The following PLCB4 variants were observed in gnomAD, a reference collection of about 807,000 sequenced individuals.
The protein encoded by PLCB4 is phospholipase C beta 4.
PLCB4 carries 77 observed loss-of-function variants against 178.8 expected under a neutral mutation model. The ratio of observed to expected loss-of-function variants is 0.43; its 90% CI spans 0.36 to 0.52. The LOEUF is 0.52. PLCB4 is among the 20% of genes least tolerant of loss of function. The probability of loss-of-function intolerance (pLI) is 0.00; values close to 1 mark genes in which losing one functional copy is unlikely to be tolerated. For synonymous variants in PLCB4, 496 were observed against 490.8 expected, an observed-to-expected ratio of 1.01 and a Z score of -0.14; for missense variants, 1,024 against 1,453.4, an observed-to-expected ratio of 0.70 and a Z score of 4.80.
chr20:9,268,177 A>T (rs188623711), intron 3 of PLCB4, among the ~76,000 whole-genome samples: 1 of 152,338 alleles, frequency 6.6e-6, no homozygotes, highest in African/African-American at 2.4e-5. Flanking sequence ...TTTTGATGAC[A>T]AAAACAAACT....
At chr20:9,186,128 G>A (rs1480112147) in intron 2 of PLCB4, among the ~76,000 whole-genome samples, 1 of 152,068 alleles carries the variant, frequency 6.6e-6, no homozygotes, top group Non-Finnish European at 1.5e-5. Flanking sequence ...ATAAATGAAC[G>A]CCCATTCAAG....
intron 1 of PLCB4, among the ~76,000 whole-genome samples, chr20:9,087,412 C>T (rs73895521): frequency 0.012 from 1,647 of 137,838 alleles, 27 homozygotes; most frequent in African/African-American, 0.04. Flanking sequence ...ATTCTCTCCT[C>T]TCCTGTACTT....
chr20:9,352,905 C>T (rs1448900974), intron 7 of PLCB4, among the ~76,000 whole-genome samples: 1 of 152,178 alleles, frequency 6.6e-6, no homozygotes, highest in Non-Finnish European at 1.5e-5. Context: ...ACTCATTCAG[C>T]ATGCTCTGAG....
chr20:9,433,711 T>C (rs879423943), intron 28 of PLCB4, among the ~76,000 whole-genome samples: 1 of 152,172 alleles, frequency 6.6e-6, no homozygotes, highest in Non-Finnish European at 1.5e-5. Flanking sequence ...TAACAAAGAG[T>C]TTAAAATATA....
intron 16 of PLCB4, among the ~76,000 whole-genome samples, 156 bp downstream of exon 16, chr20:9,390,114 A>AAAGC (rs2038018523): frequency 6.6e-6 from 1 of 152,186 alleles, no homozygotes; most frequent in South Asian, 2.1e-4. Context: ...ACTCTTATGC[A>AAAGC]AAGCAAAAAA....
chr20:9,478,467 C>A (rs529310877), intron 39 of PLCB4, among the ~76,000 whole-genome samples: 1 of 152,260 alleles, frequency 6.6e-6, no homozygotes, highest in South Asian at 2.1e-4. Context: ...AACTAAATTT[C>A]AGGCTATTTA....
intron 2 of PLCB4, among the ~76,000 whole-genome samples, chr20:9,118,598 C>T (rs2091860946): frequency 6.6e-6 from 1 of 152,004 alleles, no homozygotes; most frequent in African/African-American, 2.4e-5. Context: ...GAATGAGCCA[C>T]ATTTCAAGTG....
rs546801014 is a variant in PLCB4 at position 9,076,767 on chromosome 20, C to G, written c.-135+7561C>G. On this transcript the variant is annotated intron_variant, in intron 1 of 39. Coordinates refer to ENST00000378473, the MANE Select transcript of PLCB4 (RefSeq NM_001377142.1). The stretch of plus-strand genomic sequence containing the variant: ...TGCAGTTCCTTCGGGATGTGTTTCT[C>G]TCATATCTGCCAAGATGCTATTATT... Among the ~76,000 whole-genome samples the G allele has an allele frequency of 3.3e-5, 5 of 152,320 alleles. No homozygotes were observed. The East Asian group carries it at 9.6e-4, about 29-fold the overall frequency.
rs1321946789 is a variant in PLCB4 at position 9,389,957 on chromosome 20, A to G, written c.1237A>G (p.Ser413Gly). The stretch of plus-strand genomic sequence containing the variant: ...AATTCTCTCCTTTGAAAATCACTGC[A>G]GGTATAATGATCCATTCTGCCACAA... Reference protein sequence around the residue: ...PVILSFENHCSKYQQYKMSKY... With the variant: ...PVILSFENHCGKYQQYKMSKY... The change falls in exon 16 of 40, where the codon AGC becomes GGC. Residue 413 changes from serine to glycine, a missense_variant and splice_region_variant. By Grantham distance (56) the Ser-to-Gly change is moderately conservative (BLOSUM62 0). Around this residue, in one of 7 missense-constraint regions of PLCB4, gnomAD observed 263 missense variants for 417.4 expected, o/e 0.63. Coordinates refer to ENST00000378473, the MANE Select transcript of PLCB4 (RefSeq NM_001377142.1). 1.1e-5 allele frequency: 17 copies of G among 1,507,352 alleles called. No individual in the cohort carries two copies. The highest frequency in any genetic ancestry group is 1.5e-5 in the Non-Finnish European group (16 of 1,085,400). The allele number at this position is 1,507,352 out of a possible 1,614,324, so 93.4% of individuals were successfully genotyped here.
intron 12 of PLCB4, among the ~76,000 whole-genome samples, chr20:9,377,506 T>A (rs2036774903): frequency 6.6e-6 from 1 of 152,210 alleles, no homozygotes; most frequent in Non-Finnish European, 1.5e-5. Flanking sequence ...GCCTTTGGAT[T>A]ACCCAGATTG....
At chr20:9,117,142 G>A (rs946214993) in intron 2 of PLCB4, among the ~76,000 whole-genome samples, 1 of 152,120 alleles carries the variant, frequency 6.6e-6, no homozygotes, top group Admixed American at 6.6e-5. Flanking sequence ...TTTCATACTT[G>A]TAACTTAATG....
chr20:9,206,305 T>C (rs1010287571), intron 2 of PLCB4, among the ~76,000 whole-genome samples: 19 of 56,340 alleles, frequency 3.4e-4, no homozygotes, highest in South Asian at 6.9e-4. Context: ...TTTTCTTTTT[T>C]TTTTTTTTTT....
chr20:9,379,053 G>A (rs1462478865), intron 12 of PLCB4, among the ~76,000 whole-genome samples: 1 of 152,104 alleles, frequency 6.6e-6, no homozygotes, highest in Non-Finnish European at 1.5e-5. Context: ...GCTCACACCT[G>A]CTTATCTGTC....
intron 35 of PLCB4, among the ~76,000 whole-genome samples, chr20:9,461,452 G>A (rs1272410687): frequency 6.6e-6 from 1 of 152,206 alleles, no homozygotes; most frequent in Non-Finnish European, 1.5e-5. Context: ...GCAGGGTGGG[G>A]TGTCACCTCA....
chr20:9,198,451 A>G (rs2093500678), intron 2 of PLCB4, among the ~76,000 whole-genome samples: 1 of 152,222 alleles, frequency 6.6e-6, no homozygotes, highest in African/African-American at 2.4e-5. Flanking sequence ...GGGAATCAAC[A>G]AAGTAAATTT....
At chr20:9,168,189 T>C (rs766709457) in intron 2 of PLCB4, among the ~76,000 whole-genome samples, 1 of 152,212 alleles carries the variant, frequency 6.6e-6, no homozygotes, top group Non-Finnish European at 1.5e-5. Context: ...TATGAAACTT[T>C]CCAAATTTTC....
intron 28 of PLCB4, among the ~76,000 whole-genome samples, chr20:9,425,487 A>G (rs934633555): frequency 6.6e-6 from 1 of 152,242 alleles, no homozygotes; most frequent in Non-Finnish European, 1.5e-5. Flanking sequence ...TTATGCCAAG[A>G]GCTTTATGTA....
intron 17 of PLCB4, among the ~76,000 whole-genome samples, chr20:9,391,195 C>G (rs1293999852): frequency 6.6e-6 from 1 of 152,190 alleles, no homozygotes; most frequent in Admixed American, 6.5e-5. Flanking sequence ...CTGCTAATTT[C>G]TTCATAAAGC....
chr20:9,228,485 G>T (rs1182789739), intron 3 of PLCB4, among the ~76,000 whole-genome samples: 1 of 152,138 alleles, frequency 6.6e-6, no homozygotes, highest in Non-Finnish European at 1.5e-5. Flanking sequence ...AGCACTTCCA[G>T]ATGGTCTTTA....
Sources: gnomAD v4.1 joint callset for allele counts (sites outside exome capture counted in the v4.1 genomes callset) on GRCh38, gnomAD v4.1.1 for gene constraint, gnomAD v4.1.1 regional missense constraint, MANE v1.5 for transcripts, NCBI Gene and HGNC (gene_info 2026-07-23, HGNC 2026-07-21) for gene names.